Variants in NAV3 observed in about 807,000 individuals in gnomAD.
NAV3 encodes neuron navigator 3.
A neutral mutation model predicts 244.7 loss-of-function variants in NAV3; 87 were observed. The ratio of observed to expected loss-of-function variants is 0.36; its 90% CI spans 0.30 to 0.42. The LOEUF (loss-of-function observed/expected upper bound fraction) is 0.42. Ranked by LOEUF, NAV3 falls within the 20% of genes least tolerant of loss-of-function variation. The pLI is 1.00. For missense variants in NAV3, 2,663 were observed against 2,893.3 expected (o/e 0.92, Z 1.83); for synonymous variants, 1,126 against 1,042.2 (o/e 1.08, Z -1.55).
chr12:78,200,853 G>C (rs1183049489), intron 38 of NAV3, among the ~76,000 whole-genome samples: 8 of 151,648 alleles, frequency 5.3e-5, no homozygotes, highest in Admixed American at 5.3e-4. Flanking sequence ...ATGTTTACAG[G>C]TTGTTTTTAT....
At position 77,968,569 on chromosome 12, in the gene NAV3, T is replaced by C; in HGVS notation, c.538T>C (p.Ser180Pro). Residue 180 changes from serine to proline, a missense_variant, in exon 5 of 40, where the codon TCT (serine) becomes CCT (proline). Transcript: ENST00000397909. Reference sequence around the variant, plus strand: ...CATTCTAGGGCTGTTTTTCAGTTTATCTCGCTACAAGCAGCAACAACACCA... The same window carrying C: ...CATTCTAGGGCTGTTTTTCAGTTTACCTCGCTACAAGCAGCAACAACACCA... The part of the protein sequence containing the change: ...KAILGLFFSL[S>P]RYKQQQHHQQ... 6.2e-7 allele frequency: 1 copy of C among 1,614,144 alleles called. No homozygotes were observed. The highest frequency in any genetic ancestry group is 8.5e-7 in the Non-Finnish European group (1 of 1,180,008).
intron 5 of NAV3, among the ~76,000 whole-genome samples, chr12:77,973,851 C>A (rs1473643253): frequency 6.6e-6 from 1 of 150,894 alleles, no homozygotes. Context: ...CCATAGTGTG[C>A]CCTTTAAAAA....
chr12:78,133,081 T>C (rs1375284), intron 18 of NAV3, among the ~76,000 whole-genome samples: 111,112 of 151,932 alleles, frequency 0.73, 40,999 homozygotes, highest in Middle Eastern at 0.79. Context: ...AGATTTTAAA[T>C]TGATCTTACT....
chr12:77,708,213 C>A (rs1177050370), intron 2 of NAV3, among the ~76,000 whole-genome samples: 1 of 152,282 alleles, frequency 6.6e-6, no homozygotes, highest in Non-Finnish European at 1.5e-5. Context: ...AGTCTTTAAT[C>A]CATCTTGAAT....
At chr12:77,861,009 T>C (rs996082943) in intron 1 of NAV3, among the ~76,000 whole-genome samples, 10 of 152,008 alleles carry the variant, frequency 6.6e-5, no homozygotes, top group African/African-American at 2.4e-4. Flanking sequence ...AAGCATAACA[T>C]TGCAAAATTC....
intron 2 of NAV3, among the ~76,000 whole-genome samples, chr12:77,776,941 T>C (rs374249466): frequency 1.2e-4 from 19 of 152,342 alleles, no homozygotes; most frequent in African/African-American, 4.3e-4. Flanking sequence ...TTCTGATGCT[T>C]AAGCATACGT....
intron 2 of NAV3, among the ~76,000 whole-genome samples, chr12:77,726,547 C>G (rs1332393240): frequency 6.6e-6 from 1 of 151,330 alleles, no homozygotes; most frequent in African/African-American, 2.4e-5. Context: ...ACAGTGGAGA[C>G]AGGGTACCAT....
At chr12:77,743,753 A>G (rs1217869709) in intron 2 of NAV3, among the ~76,000 whole-genome samples, 1 of 151,932 alleles carries the variant, frequency 6.6e-6, no homozygotes, top group African/African-American at 2.4e-5. Flanking sequence ...AAGCTTATTA[A>G]TAAGCTTTCA....
chr12:77,819,431 G>T (rs1872645172), intron 2 of NAV3, among the ~76,000 whole-genome samples: 1 of 151,298 alleles, frequency 6.6e-6, no homozygotes, highest in Non-Finnish European at 1.5e-5. Flanking sequence ...TTACTTAAAG[G>T]TTATCTACAA....
At chr12:77,626,311 T>C (rs955110480) in intron 2 of NAV3, among the ~76,000 whole-genome samples, 9 of 152,008 alleles carry the variant, frequency 5.9e-5, no homozygotes, top group Non-Finnish European at 1.3e-4. Flanking sequence ...TATGGGCCTA[T>C]GGGACACCAT....
At chr12:77,606,467 T>C (rs1404284002) in intron 2 of NAV3, among the ~76,000 whole-genome samples, 1 of 152,138 alleles carries the variant, frequency 6.6e-6, no homozygotes, top group Non-Finnish European at 1.5e-5. Flanking sequence ...TATCACACTA[T>C]ATTGATTTAG....
At chr12:78,052,400 C>G (rs1566066189) in intron 11 of NAV3, among the ~76,000 whole-genome samples, 1 of 152,132 alleles carries the variant, frequency 6.6e-6, no homozygotes, top group Non-Finnish European at 1.5e-5. Context: ...TTCAGAGTGC[C>G]TAGTTTGAAT....
intron 22 of NAV3, among the ~76,000 whole-genome samples, chr12:78,158,757 A>G (rs1420161619): frequency 6.6e-6 from 1 of 152,202 alleles, no homozygotes; most frequent in African/African-American, 2.4e-5. Flanking sequence ...ATTACAATAG[A>G]GCAGCTAACA....
In NAV3 at chr12:78,127,334, T is replaced by A. The variant is rs1955956065; in HGVS notation, c.4280+126T>A. 7 of 930,862 alleles carry A rather than the reference T, an allele frequency of 7.5e-6. No homozygotes were observed. The Admixed American group carries it at 1.4e-4, about 18-fold the overall frequency. The allele number at this position is 930,862 out of a possible 1,614,324, so 57.7% of individuals were successfully genotyped here. A position where few individuals can be genotyped will look rare whatever the true frequency, so the allele number is the denominator to read the frequency against. On this transcript the variant is annotated intron_variant, in intron 17 of 39. Coordinates refer to ENST00000397909, the MANE Select transcript of NAV3 (RefSeq NM_001024383.2). ...CATTGAGGACGAAATCACTTTTAAT[T>A]TTGATGGTTTCTCTGGCCCGAACAG... is the stretch of plus-strand genomic sequence containing the variant.
chr12:78,168,721 G>C, intron 23 of NAV3, 34 bp from the exon 24 acceptor site: 3 of 1,402,362 alleles, frequency 2.1e-6, no homozygotes, highest in Non-Finnish European at 3.0e-6. Context: ...TTTCTTTCGG[G>C]TACTAAAGCT....
At chr12:78,136,527 T>C (rs1956379820) in intron 18 of NAV3, among the ~76,000 whole-genome samples, 3 of 152,216 alleles carry the variant, frequency 2.0e-5, no homozygotes, top group Non-Finnish European at 4.4e-5. Flanking sequence ...GACCATCTCA[T>C]CATGATATGC....
chr12:78,205,595 C>A (rs1206002668), intron 39 of NAV3, among the ~76,000 whole-genome samples: 1 of 151,866 alleles, frequency 6.6e-6, no homozygotes, highest in African/African-American at 2.4e-5. Context: ...CCTACTGTAG[C>A]AAAGGATAAA....
chr12:77,725,642 A>T (rs370245559), intron 2 of NAV3, among the ~76,000 whole-genome samples: 8 of 152,106 alleles, frequency 5.3e-5, no homozygotes, highest in African/African-American at 1.9e-4. Context: ...AGGAAAAAAA[A>T]AAAGTGAACT....
intron 19 of NAV3, 78 bp downstream of exon 19, chr12:78,137,443 C>A: frequency 7.3e-7 from 1 of 1,374,682 alleles, no homozygotes; most frequent in Non-Finnish European, 9.7e-7. Context: ...ACTCACATCA[C>A]AAAGATTCCT....
Sources: allele counts gnomAD v4.1 joint callset (sites outside exome capture counted in the v4.1 genomes callset), GRCh38; gene constraint gnomAD v4.1.1; transcripts MANE v1.5; gene names NCBI Gene and HGNC (gene_info 2026-07-23, HGNC 2026-07-21).